The following TIRAP variants were observed in gnomAD, a reference collection of about 807,000 sequenced individuals.
TIRAP encodes the protein toll/interleukin-1 receptor domain-containing adapter protein.
A neutral mutation model predicts 19.8 loss-of-function variants in TIRAP; 20 were observed. The ratio of observed to expected loss-of-function variants is 1.01; its 90% confidence interval spans 0.71 to 1.47. TIRAP has a LOEUF of 1.47. Among genes scored for constraint, TIRAP ranks in the 40% most tolerant of loss-of-function variants. The pLI is 0.00. For synonymous variants in TIRAP, 125 were observed against 121.7 expected (o/e 1.03, Z -0.18); for missense variants, 276 against 285.1 (o/e 0.97, Z 0.23).
chr11:126,291,935 A>G lies in TIRAP; in HGVS notation c.68-542A>G, dbSNP rs533434228. 6.6e-6 allele frequency among the ~76,000 whole-genome samples: 1 copy of G among 152,084 alleles called. No homozygotes were observed. Among genetic ancestry groups the G allele is most frequent in the South Asian group, 2.1e-4 (1 of 4,810 alleles). ...CCAGGCTGGTGGAACACTCTCACAT[A>G]AGGATTCCAGAGTTCTGACACGTCC... On this transcript the variant is annotated intron_variant, in intron 3 of 4. Transcript: ENST00000392679. This position sits in a 1 kb window ranked among gnomAD's most constrained non-coding sequence, Gnocchi z 5.6.
chr11:126,291,505 T>A lies in TIRAP; in HGVS notation c.67+544T>A, dbSNP rs1234146701. 1 of 1,010,986 alleles carries A rather than the reference T, an allele frequency of 9.9e-7. No individual in the cohort carries two copies. Among genetic ancestry groups the A allele is most frequent in the South Asian group, 1.3e-5 (1 of 76,176 alleles). The allele number at this position is 1,010,986 out of a possible 1,614,324, so 62.6% of individuals were successfully genotyped here. A position where few individuals can be genotyped will look rare whatever the true frequency, so the allele number is the denominator to read the frequency against. The stretch of plus-strand genomic sequence containing the variant: ...ATACCTGACACTGCATTATCTCAGT[T>A]AACTTTCAGCAACTAAGACAGGTCC... On this transcript the variant is annotated intron_variant, in intron 3 of 4. Transcript: ENST00000392679. The surrounding 1 kb of genome is among the most constrained non-coding windows in gnomAD (Gnocchi z 5.6).
chr11:126,285,668 T>A (rs994724206), intron 1 of TIRAP, among the ~76,000 whole-genome samples: 2 of 152,176 alleles, frequency 1.3e-5, no homozygotes, highest in African/African-American at 4.8e-5. Context: ...TTTTATTTTA[T>A]CATTTTTTCC....
At chr11:126,285,243 G>GTGTGTGTGTATATA in intron 1 of TIRAP, among the ~76,000 whole-genome samples, 24 of 106,972 alleles carry the variant, frequency 2.2e-4, no homozygotes, top group African/African-American at 6.0e-4. Flanking sequence ...GTGTGTGTGT[G>GTGTGTGTGTATATA]TATATATATA....
chr11:126,289,932 A>T, intron 1 of TIRAP: 2 of 681,658 alleles, frequency 2.9e-6, no homozygotes, highest in Non-Finnish European at 3.6e-6. Flanking sequence ...AAAAACAAAA[A>T]TCTTCTAGAC....
rs1951342877 is a variant in TIRAP, at chr11:126,288,245, T to C, written c.-216-2217T>C. Among the ~76,000 whole-genome samples the C allele has an allele frequency of 6.6e-6, 1 of 152,254 alleles. No homozygotes were observed. The highest frequency in any genetic ancestry group is 1.9e-4 in the East Asian group (1 of 5,200). ...GGGTATTTTTGGTATGATTCTACTTTATGAATTTTTTCAAAGCACAAAGAA... is the reference window on the plus strand; with the variant it reads ...GGGTATTTTTGGTATGATTCTACTTCATGAATTTTTTCAAAGCACAAAGAA... On this transcript the variant is annotated intron_variant, in intron 1 of 4. Transcript: ENST00000392679. This position sits in a 1 kb window ranked among gnomAD's most constrained non-coding sequence, Gnocchi z 5.0.
intron 1 of TIRAP, among the ~76,000 whole-genome samples, 196 bp downstream of exon 1, chr11:126,283,349 A>G (rs1417560552): frequency 1.3e-5 from 2 of 152,142 alleles, no homozygotes; most frequent in Non-Finnish European, 2.9e-5. Context: ...CACCCGCAAC[A>G]CGCAAGCGGC....
At chr11:126,286,013 C>T (rs1330497964) in intron 1 of TIRAP, among the ~76,000 whole-genome samples, 1 of 137,318 alleles carries the variant, frequency 7.3e-6, no homozygotes, top group African/African-American at 2.8e-5. Flanking sequence ...GTAATCACAA[C>T]ACTGCACTCC....
chr11:126,289,413 G>A (rs1005578847), intron 1 of TIRAP, among the ~76,000 whole-genome samples: 6 of 152,166 alleles, frequency 3.9e-5, no homozygotes, highest in African/African-American at 1.4e-4. Flanking sequence ...AAGTAGCTGG[G>A]ATTATAGGCG....
Position 126,294,746 on chromosome 11 carries a change from A to T in TIRAP, c.*1059A>T, listed in dbSNP as rs565039182. The T allele has an allele frequency of 1.0e-4, 30 of 288,756 alleles. No individual in the cohort carries two copies. Among genetic ancestry groups the T allele is most frequent in the Non-Finnish European group, 1.6e-4 (23 of 145,212 alleles). 17.9% of individuals were successfully genotyped at this position (288,756 alleles called of 1,614,324 possible). A position where few individuals can be genotyped will look rare whatever the true frequency, so the allele number is the denominator to read the frequency against. On this transcript the variant is annotated 3_prime_UTR_variant, in exon 5 of 5. Coordinates refer to ENST00000392679, the MANE Select transcript of TIRAP (RefSeq NM_001318777.2). ...CATGACCCCTCTTTTGCTGAAAAAA[A>T]TTTTTATTATTTTTTCTATCTCTAG...
At chr11:126,285,417 A>G (rs1340505196) in intron 1 of TIRAP, among the ~76,000 whole-genome samples, 1 of 151,520 alleles carries the variant, frequency 6.6e-6, no homozygotes, top group Non-Finnish European at 1.5e-5. Flanking sequence ...ACCTGCCACC[A>G]CACCCAGCTA....
rs1206935551 is a variant in TIRAP, at chr11:126,294,746, ATTT to A, written c.*1062_*1064del. On this transcript the variant is annotated 3_prime_UTR_variant, in exon 5 of 5. Coordinates refer to ENST00000392679, the MANE Select transcript of TIRAP (RefSeq NM_001318777.2). ...CATGACCCCTCTTTTGCTGAAAAAA[ATTT>A]TTATTATTTTTTCTATCTCTAGTTC... 3.5e-5 allele frequency: 10 copies of A among 288,638 alleles called. No individual in the cohort carries two copies. The highest frequency in any genetic ancestry group is 6.9e-5 in the Non-Finnish European group (10 of 145,220). 17.9% of individuals were successfully genotyped at this position (288,638 alleles called of 1,614,324 possible).
rs1162876978 is a variant in TIRAP, at chr11:126,287,296, T to C, written c.-216-3166T>C. ...ATAGAAATTGGAGACCAGTTTGATATTGGATACTAAATACACTTTGGATTT... is the reference window on the plus strand; with the variant it reads ...ATAGAAATTGGAGACCAGTTTGATACTGGATACTAAATACACTTTGGATTT... On this transcript the variant is annotated intron_variant, in intron 1 of 4. Coordinates refer to ENST00000392679, the MANE Select transcript of TIRAP (RefSeq NM_001318777.2). This position sits in a 1 kb window ranked among gnomAD's most constrained non-coding sequence, Gnocchi z 4.2. Among the ~76,000 whole-genome samples the C allele has an allele frequency of 6.6e-6, 1 of 152,002 alleles. No individual in the cohort carries two copies. Among genetic ancestry groups the C allele is most frequent in the Admixed American group, 6.6e-5 (1 of 15,194 alleles).
chr11:126,283,243 G>T (rs1209975144), intron 1 of TIRAP, 90 bp downstream of exon 1: 1 of 744,692 alleles, frequency 1.3e-6, no homozygotes, highest in African/African-American at 1.9e-5. Flanking sequence ...GGGCCCCAGA[G>T]TCCCGGCCCC....
intron 1 of TIRAP, chr11:126,289,789 C>T (rs1446982105): frequency 2.8e-5 from 28 of 985,294 alleles, no homozygotes; most frequent in Middle Eastern, 5.2e-4. Context: ...AAAGAGTGTC[C>T]GCCATCAGGG....
In TIRAP at chr11:126,294,094, G is replaced by A. The variant is rs1243620478; in HGVS notation, c.*407G>A. On this transcript the variant is annotated 3_prime_UTR_variant, in exon 5 of 5. Coordinates refer to ENST00000392679, the MANE Select transcript of TIRAP (RefSeq NM_001318777.2). ...TCTTCCCCTGGAACTGGGCACTGGC[G>A]TACACTGGTATCCCTCCTAAAGAAG... 2.5e-5 allele frequency: 7 copies of A among 279,474 alleles called. No homozygotes were observed. The highest frequency in any genetic ancestry group is 4.4e-5 in the African/African-American group (2 of 45,484). The allele number at this position is 279,474 out of a possible 1,614,324, so 17.3% of individuals were successfully genotyped here. A position where few individuals can be genotyped will look rare whatever the true frequency, so the allele number is the denominator to read the frequency against.
intron 3 of TIRAP, among the ~76,000 whole-genome samples, chr11:126,292,121 T>C (rs377525027): frequency 2.6e-5 from 4 of 151,760 alleles, no homozygotes; most frequent in African/African-American, 9.7e-5. Context: ...CTGACCAACA[T>C]GGTGAAACCC....
chr11:126,285,243 G>GTGTGTATATATATATATATATA lies in TIRAP; in HGVS notation c.-217+2091_-217+2092insGTGTATATATATATATATATAT. 1.1e-3 allele frequency among the ~76,000 whole-genome samples: 117 copies of GTGTGTATATATATATATATATA among 106,950 alleles called. 1 individual carries two copies. Among genetic ancestry groups the GTGTGTATATATATATATATATA allele is most frequent in the Middle Eastern group, 4.6e-3 (1 of 216 alleles). The allele number at this position is 106,950 out of a possible 152,430, so 70.2% of individuals were successfully genotyped here. A position where few individuals can be genotyped will look rare whatever the true frequency, so the allele number is the denominator to read the frequency against. On this transcript the variant is annotated intron_variant, in intron 1 of 4. Coordinates refer to ENST00000392679, the MANE Select transcript of TIRAP (RefSeq NM_001318777.2). ...ATTTATTGGATATATGTGTGTGTGT[G>GTGTGTATATATATATATATATA]TATATATATATATATATAATATATA...
intron 1 of TIRAP, among the ~76,000 whole-genome samples, chr11:126,284,829 G>A (rs780546467): frequency 6.7e-6 from 1 of 149,352 alleles, no homozygotes; most frequent in Non-Finnish European, 1.5e-5. Flanking sequence ...ACTCCAGCCC[G>A]GGCGACAGAG....
intron 1 of TIRAP, among the ~76,000 whole-genome samples, chr11:126,286,877 A>G (rs1311474110): frequency 1.3e-5 from 2 of 152,192 alleles, no homozygotes; most frequent in Admixed American, 1.3e-4. Context: ...GCTCCTTCTG[A>G]AGGCTCCAGG....
Sources: gnomAD v4.1 joint callset for allele counts (sites outside exome capture counted in the v4.1 genomes callset) on GRCh38, gnomAD v4.1.1 for gene constraint, Gnocchi (gnomAD v3.1) non-coding constraint, MANE v1.5 for transcripts, NCBI Gene and HGNC (gene_info 2026-07-23, HGNC 2026-07-21) for gene names.